Variants in KCNH7 observed in about 807,000 individuals in gnomAD.
The protein encoded by KCNH7 is potassium voltage-gated channel subfamily H member 7, also known as voltage-gated inwardly rectifying potassium channel KCNH7.
A neutral mutation model predicts 120.8 loss-of-function variants in KCNH7; 49 were observed. The ratio of observed to expected loss-of-function variants is 0.41; its 90% CI spans 0.32 to 0.51. The LOEUF (loss-of-function observed/expected upper bound fraction) is 0.51. Among genes scored for constraint, KCNH7 ranks in the 20% least tolerant of loss-of-function variants. The pLI is 0.38. For missense variants in KCNH7, 1,097 were observed against 1,446.6 expected (o/e 0.76, Z 3.92); for synonymous variants, 547 against 516.1 (o/e 1.06, Z -0.81).
At chr2:162,434,079 G>A (rs1185943601) in intron 8 of KCNH7, among the ~76,000 whole-genome samples, 2 of 152,038 alleles carry the variant, frequency 1.3e-5, no homozygotes, top group Non-Finnish European at 2.9e-5. Flanking sequence ...GTCCTTTGCA[G>A]CAACATGGCG....
intron 2 of KCNH7, among the ~76,000 whole-genome samples, chr2:162,684,316 A>C (rs1685810567): frequency 1.3e-5 from 2 of 152,202 alleles, no homozygotes; most frequent in South Asian, 4.1e-4. Context: ...AAAGCATCAA[A>C]AGCAATGGCA....
intron 2 of KCNH7, among the ~76,000 whole-genome samples, chr2:162,763,292 G>C (rs982039592): frequency 2.0e-5 from 3 of 152,022 alleles, no homozygotes; most frequent in Non-Finnish European, 1.5e-5. Flanking sequence ...TCATTCAATT[G>C]ATGAGTTTTG....
intron 5 of KCNH7, among the ~76,000 whole-genome samples, chr2:162,505,213 G>A (rs1252223053): frequency 6.6e-6 from 1 of 151,934 alleles, no homozygotes; most frequent in Non-Finnish European, 1.5e-5. Flanking sequence ...CCCAGATGAA[G>A]GAATTACAGA....
At chr2:162,515,389 AAATCT>A (rs1453508227) in intron 4 of KCNH7, among the ~76,000 whole-genome samples, 8 of 151,786 alleles carry the variant, frequency 5.3e-5, no homozygotes, top group Non-Finnish European at 1.0e-4. Context: ...TTAAATCAAG[AAATCT>A]AATCTAAACT....
intron 2 of KCNH7, among the ~76,000 whole-genome samples, chr2:162,591,193 A>G (rs1178814901): frequency 1.3e-5 from 2 of 152,010 alleles, no homozygotes; most frequent in Non-Finnish European, 1.5e-5. Flanking sequence ...TTACTTATAC[A>G]TCACCCAATT....
At chr2:162,487,076 A>G (rs1017938884) in intron 6 of KCNH7, among the ~76,000 whole-genome samples, 1 of 152,200 alleles carries the variant, frequency 6.6e-6, no homozygotes, top group African/African-American at 2.4e-5. Context: ...CAATCATTCA[A>G]TATGACAGTA....
intron 2 of KCNH7, among the ~76,000 whole-genome samples, chr2:162,625,431 A>G (rs753951825): frequency 2.0e-5 from 3 of 152,166 alleles, no homozygotes; most frequent in Non-Finnish European, 4.4e-5. Context: ...GTTTCCTGTT[A>G]TTATTTTCTT....
chr2:162,684,286 T>C (rs1374110733), intron 2 of KCNH7, among the ~76,000 whole-genome samples: 1 of 152,106 alleles, frequency 6.6e-6, no homozygotes, highest in Non-Finnish European at 1.5e-5. Flanking sequence ...GATACAGGCA[T>C]GGGCAAAGTC....
intron 5 of KCNH7, among the ~76,000 whole-genome samples, chr2:162,506,278 C>T (rs1195695497): frequency 1.3e-5 from 2 of 151,854 alleles, no homozygotes; most frequent in Non-Finnish European, 2.9e-5. Context: ...ATCTAGCCTT[C>T]AGATAGTTCT....
intron 4 of KCNH7, among the ~76,000 whole-genome samples, chr2:162,516,328 T>C (rs1415227917): frequency 2.0e-5 from 3 of 151,708 alleles, no homozygotes; most frequent in Non-Finnish European, 4.4e-5. Flanking sequence ...ATTTAATTCT[T>C]CTGGTTTGGG....
At chr2:162,743,802 A>G (rs1195381972) in intron 2 of KCNH7, among the ~76,000 whole-genome samples, 1 of 152,150 alleles carries the variant, frequency 6.6e-6, no homozygotes, top group Non-Finnish European at 1.5e-5. Flanking sequence ...TACTCATAAA[A>G]ACCTTAATCA....
At chr2:162,381,765 A>G (rs1686426308) in intron 13 of KCNH7, among the ~76,000 whole-genome samples, 3 of 152,158 alleles carry the variant, frequency 2.0e-5, no homozygotes, top group South Asian at 4.1e-4. Flanking sequence ...ATGGCAAAAT[A>G]TAAGTGAACC....
intron 2 of KCNH7, 49 bp from the exon 3 acceptor site, chr2:162,537,129 A>T (rs1400306369): frequency 1.4e-6 from 2 of 1,437,908 alleles, no homozygotes; most frequent in Non-Finnish European, 1.9e-6. Flanking sequence ...CTTCATTCTG[A>T]ACTATCAAGT....
chr2:162,558,503 CTTTTTTTTT>C lies in KCNH7; in HGVS notation c.308-21432_308-21424del, dbSNP rs71410015. On this transcript the variant is annotated intron_variant, in intron 2 of 15. Coordinates refer to ENST00000332142, the MANE Select transcript of KCNH7 (RefSeq NM_033272.4). The stretch of plus-strand genomic sequence containing the variant: ...TCTTTCTTTTGCATTTTCTCAATGG[CTTTTTTTTT>C]TTTTTTTTTTTTTGCCGAAACTGTT... Among the ~76,000 whole-genome samples, 14 of 80,696 alleles carry C rather than the reference CTTTTTTTTT, an allele frequency of 1.7e-4. 1 individual carries two copies. The highest frequency in any genetic ancestry group is 6.3e-4 in the African/African-American group (13 of 20,580). The allele number at this position is 80,696 out of a possible 152,430, so 52.9% of individuals were successfully genotyped here.
At chr2:162,825,155 G>T (rs1685239151) in intron 2 of KCNH7, among the ~76,000 whole-genome samples, 1 of 151,970 alleles carries the variant, frequency 6.6e-6, no homozygotes, top group South Asian at 2.1e-4. Flanking sequence ...GCAAATTACT[G>T]AAATGAAAAT....
At chr2:162,777,253 A>C (rs935416542) in intron 2 of KCNH7, among the ~76,000 whole-genome samples, 1 of 152,116 alleles carries the variant, frequency 6.6e-6, no homozygotes, top group Non-Finnish European at 1.5e-5. Context: ...AAATGACAAA[A>C]TATTTACACA....
intron 2 of KCNH7, among the ~76,000 whole-genome samples, chr2:162,738,292 T>C (rs1351222470): frequency 2.0e-5 from 3 of 152,114 alleles, no homozygotes; most frequent in Non-Finnish European, 2.9e-5. Flanking sequence ...AAGACCCTAC[T>C]CCCTCTGTGT....
At chr2:162,513,303 TTCCC>T in intron 4 of KCNH7, among the ~76,000 whole-genome samples, 1 of 144,312 alleles carries the variant, frequency 6.9e-6, no homozygotes, top group African/African-American at 2.5e-5. Context: ...CCTTCCCTCC[TTCCC>T]TCCTTCCTTC....
intron 6 of KCNH7, among the ~76,000 whole-genome samples, chr2:162,499,380 T>C (rs184692944): frequency 2.6e-5 from 4 of 152,206 alleles, no homozygotes; most frequent in East Asian, 1.9e-4. Flanking sequence ...TGGAATTTGG[T>C]AGAAATGGCC....
Sources: allele counts gnomAD v4.1 joint callset (sites outside exome capture counted in the v4.1 genomes callset), GRCh38; gene constraint gnomAD v4.1.1; transcripts MANE v1.5; gene names NCBI Gene and HGNC (gene_info 2026-07-23, HGNC 2026-07-21).